VTI1B: variants seen among roughly 807,000 people sequenced by gnomAD.
The protein encoded by VTI1B is vesicle transport through interaction with t-SNAREs homolog 1B.
A neutral mutation model predicts 28.6 loss-of-function variants in VTI1B; 18 were observed. That is an observed-to-expected ratio of 0.63 (90% CI 0.43 to 0.93). The LOEUF (loss-of-function observed/expected upper bound fraction) is 0.93. VTI1B is among the 40% of genes least tolerant of loss of function. The pLI, the probability that VTI1B is intolerant of heterozygous loss-of-function variation, is 0.00. For missense variants in VTI1B, 283 were observed against 297.0 expected (o/e 0.95, Z 0.35); for synonymous variants, 100 against 107.9 (o/e 0.93, Z 0.46).
At chr14:67,662,927 T>C (rs1246044607) in intron 1 of VTI1B, 1 of 1,266,900 alleles carries the variant, frequency 7.9e-7, no homozygotes, top group Non-Finnish European at 9.9e-7. Context: ...AAAAAGAATG[T>C]TTACCAATAG....
In VTI1B at chr14:67,647,972, C is replaced by A; in HGVS notation, c.*3413G>T. 1 of 1,406,184 alleles carries A rather than the reference C, an allele frequency of 7.1e-7. No individual in the cohort carries two copies. The highest frequency in any genetic ancestry group is 9.7e-7 in the Non-Finnish European group (1 of 1,027,668). 87.1% of individuals were successfully genotyped at this position (1,406,184 alleles called of 1,614,324 possible). ...AGCAACAAAATCAAGGAGTTGCAAC[C>A]ATAAGAAGGATGAGTGTCCAAGGAC... On this transcript the variant is annotated 3_prime_UTR_variant, in exon 6 of 6. Transcript: ENST00000554659.
chr14:67,669,270 A>ATT (rs33972864), intron 1 of VTI1B, among the ~76,000 whole-genome samples: 5 of 140,018 alleles, frequency 3.6e-5, no homozygotes, highest in South Asian at 2.3e-4. Flanking sequence ...CTTCTTCATA[A>ATT]TTTTTTTTTT....
At chr14:67,654,726 A>AT (rs1161297810) in intron 4 of VTI1B, among the ~76,000 whole-genome samples, 1 of 152,096 alleles carries the variant, frequency 6.6e-6, no homozygotes, top group African/African-American at 2.4e-5. Context: ...CCATTGGTAA[A>AT]TTGTACCAAT....
chr14:67,670,965 T>A lies in VTI1B; in HGVS notation c.115+3410A>T, dbSNP rs534475972. On this transcript the variant is annotated intron_variant, in intron 1 of 5. Transcript: ENST00000554659. ...AGCTACATGCAAGGACTGTATTATG[T>A]ACATTATGCTGTGCCTAATAATTCA... Among the ~76,000 whole-genome samples the A allele has an allele frequency of 9.8e-4, 149 of 152,364 alleles. 1 individual carries two copies. The highest frequency in any genetic ancestry group is 3.4e-3 in the African/African-American group (142 of 41,592).
intron 2 of VTI1B, among the ~76,000 whole-genome samples, chr14:67,661,278 C>CCA (rs1441860751): frequency 1.8e-5 from 1 of 56,548 alleles, no homozygotes; most frequent in Admixed American, 2.9e-4. Flanking sequence ...AGGGCTAGAG[C>CCA]AAAAAAAAAA....
rs1594838579 is a variant in VTI1B at position 67,662,528 on chromosome 14, C to T, written c.123G>A (p.Lys41=). 1 of 1,611,452 alleles carries T rather than the reference C, an allele frequency of 6.2e-7. No individual in the cohort carries two copies. Among genetic ancestry groups the T allele is most frequent in the African/African-American group, 1.3e-5 (1 of 74,722 alleles). ...RLLGTAGTEE[K]KKLIRDFDEK... is the part of the protein sequence containing the mutation. ...CATCAAAATCCCTGATCAATTTCTT[C>T]TTTTCTTCTAGAAAAGATAGATAAG... The change falls in exon 2 of 6, where the codon AAG becomes AAA. Residue 41 remains lysine (K), a synonymous_variant. Coordinates refer to ENST00000554659, the MANE Select transcript of VTI1B (RefSeq NM_006370.3).
intron 1 of VTI1B, 31 bp from the exon 2 acceptor site, chr14:67,662,566 A>G: frequency 6.3e-7 from 1 of 1,577,014 alleles, no homozygotes. Context: ...TCAAATGCTT[A>G]TTACTGTTTC....
chr14:67,647,867 A>G lies in VTI1B; in HGVS notation c.*3518T>C, dbSNP rs1318080677. 6 of 634,912 alleles carry G rather than the reference A, an allele frequency of 9.5e-6. No individual in the cohort carries two copies. The highest frequency in any genetic ancestry group is 1.8e-5 in the African/African-American group (1 of 54,554). The allele number at this position is 634,912 out of a possible 1,614,324, so 39.3% of individuals were successfully genotyped here. ...ATGAAGTGGTATGTAGGAAGTTAAT[A>G]TTGCCAATCTCAGTAACTTCCAAGA... is the stretch of plus-strand genomic sequence containing the variant. On this transcript the variant is annotated 3_prime_UTR_variant, in exon 6 of 6. Transcript: ENST00000554659.
Position 67,654,324 on chromosome 14 carries a change from C to A in VTI1B, c.541-826G>T, listed in dbSNP as rs61990127. On this transcript the variant is annotated intron_variant, in intron 4 of 5. Coordinates refer to ENST00000554659, the MANE Select transcript of VTI1B (RefSeq NM_006370.3). ...CTCGCTATAGAGATGAGGTCTCGCT[C>A]TAGAGATGAGGTCTCGCTATGTTGC... Among the ~76,000 whole-genome samples, 6 of 752 alleles carry A rather than the reference C, an allele frequency of 8.0e-3. 1 individual carries two copies. The South Asian group carries it at 0.23, about 28-fold the overall frequency. The allele number at this position is 752 out of a possible 152,430, so 0.5% of individuals were successfully genotyped here. A position where few individuals can be genotyped will look rare whatever the true frequency, so the allele number is the denominator to read the frequency against.
intron 4 of VTI1B, among the ~76,000 whole-genome samples, chr14:67,655,358 C>T (rs1396974815): frequency 6.6e-6 from 1 of 152,036 alleles, no homozygotes; most frequent in Non-Finnish European, 1.5e-5. Flanking sequence ...TGTAGGTTAA[C>T]TCATTTATGG....
Position 67,650,289 on chromosome 14 carries a change from C to A in VTI1B, c.*1096G>T, listed in dbSNP as rs10483801. 53,180 of 223,168 alleles carry A rather than the reference C, an allele frequency of 0.24. 7,355 individuals are homozygous for A. Among genetic ancestry groups the A allele is most frequent in the East Asian group, 0.45 (3,927 of 8,824 alleles). 13.8% of individuals were successfully genotyped at this position (223,168 alleles called of 1,614,324 possible). A position where few individuals can be genotyped will look rare whatever the true frequency, so the allele number is the denominator to read the frequency against. On this transcript the variant is annotated 3_prime_UTR_variant, in exon 6 of 6. Transcript: ENST00000554659. ...AAGTGGGAATGCAGTTTGGCTAGTG[C>A]AAGTGGCAGATTTCCTCTGCCTTCA... is the stretch of plus-strand genomic sequence containing the variant.
rs978846922 is a variant in VTI1B at position 67,674,564 on chromosome 14, C to A, written c.-75G>T. 7.4e-7 allele frequency: 1 copy of A among 1,352,522 alleles called. No homozygotes were observed. The highest frequency in any genetic ancestry group is 1.5e-5 in the African/African-American group (1 of 66,296). The allele number at this position is 1,352,522 out of a possible 1,614,324, so 83.8% of individuals were successfully genotyped here. On this transcript the variant is annotated 5_prime_UTR_variant, in exon 1 of 6. Coordinates refer to ENST00000554659, the MANE Select transcript of VTI1B (RefSeq NM_006370.3). ...CCTTTCCTAGCCCGGCGGTCAGCCG[C>A]CCAGCCCAGTGGCCATAACGGCGAC...
chr14:67,653,344 T>C (rs1312597169), intron 5 of VTI1B, 93 bp downstream of exon 5: 1 of 1,062,310 alleles, frequency 9.4e-7, no homozygotes, highest in African/African-American at 1.6e-5. Flanking sequence ...ACTGCTGAGG[T>C]GCTTTATGAG....
Position 67,649,416 on chromosome 14 carries a change from T to A in VTI1B, c.*1969A>T, listed in dbSNP as rs988201460. On this transcript the variant is annotated 3_prime_UTR_variant, in exon 6 of 6. Coordinates refer to ENST00000554659, the MANE Select transcript of VTI1B (RefSeq NM_006370.3). ...GGGAGGTTGAGGCTGCAGTGAGCCA[T>A]GATTGTGCCACTGCACTGTTATAAT... is the stretch of plus-strand genomic sequence containing the variant. The A allele has an allele frequency of 6.6e-6, 1 of 152,164 alleles. No individual in the cohort carries two copies. The highest frequency in any genetic ancestry group is 6.6e-5 in the Admixed American group (1 of 15,262). The allele number at this position is 152,164 out of a possible 1,614,324, so 9.4% of individuals were successfully genotyped here.
At chr14:67,668,016 T>C (rs951664584) in intron 1 of VTI1B, among the ~76,000 whole-genome samples, 2 of 152,142 alleles carry the variant, frequency 1.3e-5, no homozygotes, top group African/African-American at 4.8e-5. Context: ...TGTAAGTAAT[T>C]GGTGTTTATC....
At chr14:67,671,475 G>A (rs1403692480) in intron 1 of VTI1B, among the ~76,000 whole-genome samples, 1 of 152,050 alleles carries the variant, frequency 6.6e-6, no homozygotes, top group Admixed American at 6.6e-5. Flanking sequence ...GCAGTGAGCT[G>A]AGATTGTACC....
At position 67,666,659 on chromosome 14, in the gene VTI1B, C is replaced by G. The variant is rs539730572; in HGVS notation, c.116-4124G>C. On this transcript the variant is annotated intron_variant, in intron 1 of 5. Transcript: ENST00000554659. ...ATTATGAAACCAATGAATGCTAGAG[C>G]TAGGATGTACCTCAGCGATCATCTA... Among the ~76,000 whole-genome samples, 33 of 152,264 alleles carry G rather than the reference C, an allele frequency of 2.2e-4. No individual in the cohort carries two copies. The South Asian group carries it at 6.8e-3, about 32-fold the overall frequency.
chr14:67,665,438 A>AC (rs1566816334), intron 1 of VTI1B, among the ~76,000 whole-genome samples: 1 of 147,786 alleles, frequency 6.8e-6, no homozygotes. Flanking sequence ...CACACAGCTA[A>AC]TTTTTTTTTT....
At position 67,650,450 on chromosome 14, in the gene VTI1B, T is replaced by C. The variant is rs2037157759; in HGVS notation, c.*935A>G. 1 of 453,706 alleles carries C rather than the reference T, an allele frequency of 2.2e-6. No individual in the cohort carries two copies. Among genetic ancestry groups the C allele is most frequent in the South Asian group, 2.8e-5 (1 of 35,536 alleles). The allele number at this position is 453,706 out of a possible 1,614,324, so 28.1% of individuals were successfully genotyped here. A position where few individuals can be genotyped will look rare whatever the true frequency, so the allele number is the denominator to read the frequency against. ...TTTCCTTTTCCAGAACGCCTGACAATTATGCCTGTTATGTTAGTTGAACAG... is the reference window on the plus strand; with the variant it reads ...TTTCCTTTTCCAGAACGCCTGACAACTATGCCTGTTATGTTAGTTGAACAG... On this transcript the variant is annotated 3_prime_UTR_variant, in exon 6 of 6. Transcript: ENST00000554659.
Sources: gnomAD v4.1 joint callset for allele counts (sites outside exome capture counted in the v4.1 genomes callset) on GRCh38, gnomAD v4.1.1 for gene constraint, MANE v1.5 for transcripts, NCBI Gene and HGNC (gene_info 2026-07-23, HGNC 2026-07-21) for gene names.